LPAR3: variants seen among roughly 807,000 people sequenced by gnomAD.
LPAR3 encodes lysophosphatidic acid receptor 3, also known as LPA receptor 3.
A neutral mutation model predicts 17.8 loss-of-function variants in LPAR3; 7 were observed. That is an observed-to-expected ratio of 0.39 (90% CI 0.22 to 0.74). The LOEUF is 0.74. Ranked by LOEUF, LPAR3 falls within the 30% of genes least tolerant of loss-of-function variation. The pLI is 0.40. For missense variants in LPAR3, 391 were observed against 453.4 expected (o/e 0.86, Z 1.25); for synonymous variants, 179 against 179.9 (o/e 0.99, Z 0.04).
chr1:84,891,918 T>A (rs190001829), intron 1 of LPAR3, among the ~76,000 whole-genome samples: 21 of 152,134 alleles, frequency 1.4e-4, no homozygotes, highest in African/African-American at 4.8e-4. Flanking sequence ...TTACTCAGTT[T>A]AAAAAACTGA....
In LPAR3 at chr1:84,814,190, A is replaced by G. The variant is rs1364203097; in HGVS notation, c.737-19T>C. ...AACGCCCCTGCAAGGAGAGAAGAGGAGGCAACAGATGCTCAGACCTTAGGG... is the reference window on the plus strand; with the variant it reads ...AACGCCCCTGCAAGGAGAGAAGAGGGGGCAACAGATGCTCAGACCTTAGGG... On this transcript the variant is annotated intron_variant, in intron 2 of 2. Transcript: ENST00000370611. 2 of 1,605,074 alleles carry G rather than the reference A, an allele frequency of 1.2e-6. No homozygotes were observed. The highest frequency in any genetic ancestry group is 2.7e-5 in the African/African-American group (2 of 74,748).
At chr1:84,835,926 C>G (rs1659394515) in intron 2 of LPAR3, among the ~76,000 whole-genome samples, 1 of 151,276 alleles carries the variant, frequency 6.6e-6, no homozygotes, top group Non-Finnish European at 1.5e-5. Flanking sequence ...AACTAGCAAC[C>G]TTATCACGAA....
At chr1:84,850,659 C>T (rs1659686556) in intron 2 of LPAR3, among the ~76,000 whole-genome samples, 1 of 152,284 alleles carries the variant, frequency 6.6e-6, no homozygotes, top group Non-Finnish European at 1.5e-5. Flanking sequence ...TAGTCCCAAC[C>T]CTAACCAAAG....
chr1:84,860,265 T>G lies in LPAR3; in HGVS notation c.736+5120A>C, dbSNP rs1204879997. Among the ~76,000 whole-genome samples, 6 of 152,202 alleles carry G rather than the reference T, an allele frequency of 3.9e-5. No individual in the cohort carries two copies. In the East Asian group the frequency reaches 1.2e-3, roughly 29 times the overall value. ...TGAATCCCCATGCTGTTAGCTTTTG[T>G]GTTCAACCAAAATCCCAAAGCTGGA... On this transcript the variant is annotated intron_variant, in intron 2 of 2. Coordinates refer to ENST00000370611, the MANE Select transcript of LPAR3 (RefSeq NM_012152.3).
At chr1:84,837,392 A>G (rs1377151278) in intron 2 of LPAR3, among the ~76,000 whole-genome samples, 1 of 152,168 alleles carries the variant, frequency 6.6e-6, no homozygotes, top group East Asian at 1.9e-4. Context: ...AAATTCCCCT[A>G]GGCTAATCCC....
chr1:84,875,279 A>G (rs531021005), intron 1 of LPAR3, among the ~76,000 whole-genome samples: 12 of 152,240 alleles, frequency 7.9e-5, no homozygotes, highest in Non-Finnish European at 1.6e-4. Flanking sequence ...GTCATATGCA[A>G]AAATATATTT....
chr1:84,850,393 C>CAAAA (rs561506398), intron 2 of LPAR3, among the ~76,000 whole-genome samples: 69 of 38,486 alleles, frequency 1.8e-3, no homozygotes, highest in Admixed American at 3.3e-3. Flanking sequence ...TCTGTCTCTA[C>CAAAA]AAAAAAAAAA....
intron 1 of LPAR3, among the ~76,000 whole-genome samples, chr1:84,885,535 T>A (rs750159218): frequency 6.6e-6 from 1 of 152,250 alleles, no homozygotes; most frequent in Non-Finnish European, 1.5e-5. Flanking sequence ...CCTATTTTCT[T>A]TCTTCCTTTC....
chr1:84,822,272 C>T (rs1659073334), intron 2 of LPAR3, among the ~76,000 whole-genome samples: 1 of 152,088 alleles, frequency 6.6e-6, no homozygotes, highest in Admixed American at 6.5e-5. Flanking sequence ...TTCAATTAGA[C>T]TATAAATAAG....
intron 2 of LPAR3, among the ~76,000 whole-genome samples, chr1:84,835,322 T>C (rs1435694554): frequency 6.6e-6 from 1 of 152,222 alleles, no homozygotes; most frequent in Non-Finnish European, 1.5e-5. Context: ...GAGAACCACG[T>C]GGGCATGATG....
chr1:84,821,639 G>A (rs1214427059), intron 2 of LPAR3, among the ~76,000 whole-genome samples: 1 of 152,178 alleles, frequency 6.6e-6, no homozygotes, highest in Non-Finnish European at 1.5e-5. Flanking sequence ...CCTAGGGAAT[G>A]CTTTTGCGTG....
chr1:84,859,696 A>G (rs1659898430), intron 2 of LPAR3, among the ~76,000 whole-genome samples: 1 of 152,228 alleles, frequency 6.6e-6, no homozygotes, highest in Non-Finnish European at 1.5e-5. Context: ...TCAGTGCATC[A>G]AAACTTACAG....
intron 1 of LPAR3, among the ~76,000 whole-genome samples, chr1:84,877,657 T>C (rs547499153): frequency 3.9e-5 from 6 of 152,364 alleles, no homozygotes; most frequent in African/African-American, 1.4e-4. Context: ...GGAATTTTTA[T>C]ACATGTTACA....
At chr1:84,817,260 A>ATC (rs751398363) in intron 2 of LPAR3, among the ~76,000 whole-genome samples, 58 of 64,714 alleles carry the variant, frequency 9.0e-4, no homozygotes, top group Non-Finnish European at 1.4e-3. Flanking sequence ...TCCAGGATCT[A>ATC]TCACACACAC....
At chr1:84,849,372 CAAAAAAAA>C (rs34239236) in intron 2 of LPAR3, among the ~76,000 whole-genome samples, 5 of 77,548 alleles carry the variant, frequency 6.4e-5, no homozygotes, top group African/African-American at 2.1e-4. Flanking sequence ...AGACTCATCT[CAAAAAAAA>C]AAAAAAAAAA....
intron 2 of LPAR3, among the ~76,000 whole-genome samples, chr1:84,833,480 C>T (rs1284738648): frequency 6.6e-6 from 1 of 152,138 alleles, no homozygotes; most frequent in Non-Finnish European, 1.5e-5. Context: ...GATATAAGCC[C>T]TCCAGCATTG....
intron 2 of LPAR3, among the ~76,000 whole-genome samples, chr1:84,863,963 G>A (rs943452458): frequency 1.3e-5 from 2 of 152,126 alleles, no homozygotes; most frequent in African/African-American, 2.4e-5. Context: ...TGTAATCCCA[G>A]TACTGTGGGA....
At chr1:84,855,674 G>T (rs992364792) in intron 2 of LPAR3, among the ~76,000 whole-genome samples, 3 of 152,218 alleles carry the variant, frequency 2.0e-5, no homozygotes, top group Admixed American at 2.0e-4. Context: ...AACTGAAGGG[G>T]TCTGGACCAG....
chr1:84,830,577 A>G (rs1659264242), intron 2 of LPAR3, among the ~76,000 whole-genome samples: 1 of 152,208 alleles, frequency 6.6e-6, no homozygotes, highest in South Asian at 2.1e-4. Context: ...TGGATTATCC[A>G]TCTGGCCAGC....
Sources: gnomAD v4.1 joint callset for allele counts (sites outside exome capture counted in the v4.1 genomes callset) on GRCh38, gnomAD v4.1.1 for gene constraint, MANE v1.5 for transcripts, NCBI Gene and HGNC (gene_info 2026-07-23, HGNC 2026-07-21) for gene names.